IL15: variants seen among roughly 807,000 people sequenced by gnomAD.
The protein encoded by IL15 is interleukin 15, also known as interleukin-15.
Under a neutral mutation model 19.6 loss-of-function variants are expected in IL15, and 11 were observed. That is an observed-to-expected ratio of 0.56 (90% CI 0.35 to 0.93). The LOEUF (loss-of-function observed/expected upper bound fraction) is 0.93. IL15 is among the 40% of genes least tolerant of loss of function. The probability of loss-of-function intolerance (pLI) is 0.01; values close to 1 mark genes in which losing one functional copy is unlikely to be tolerated. For missense variants in IL15, 197 were observed against 186.5 expected (o/e 1.06, Z -0.33); for synonymous variants, 58 against 59.6 (o/e 0.97, Z 0.12).
chr4:141,670,587 A>C (rs1254522801), intron 2 of IL15, among the ~76,000 whole-genome samples: 1 of 152,176 alleles, frequency 6.6e-6, no homozygotes, highest in East Asian at 1.9e-4. Context: ...TTTTAAGTTT[A>C]ACCAACATGT....
chr4:141,660,017 A>G (rs1727737115), intron 2 of IL15, among the ~76,000 whole-genome samples: 1 of 152,122 alleles, frequency 6.6e-6, no homozygotes, highest in Non-Finnish European at 1.5e-5. Flanking sequence ...TTCAATTTGC[A>G]CAGTAAAACA....
intron 2 of IL15, among the ~76,000 whole-genome samples, chr4:141,683,654 AC>A (rs1728615675): frequency 6.6e-6 from 1 of 152,168 alleles, no homozygotes; most frequent in African/African-American, 2.4e-5. Context: ...CACTGTGCGA[AC>A]CTGGAACAAG....
chr4:141,730,975 A>G (rs893523678), intron 7 of IL15, among the ~76,000 whole-genome samples: 1 of 152,170 alleles, frequency 6.6e-6, no homozygotes, highest in African/African-American at 2.4e-5. Flanking sequence ...GTGAAAAAGG[A>G]CACAGGGTAG....
intron 3 of IL15, among the ~76,000 whole-genome samples, chr4:141,720,253 A>G (rs1045868669): frequency 1.3e-5 from 2 of 152,166 alleles, no homozygotes; most frequent in Non-Finnish European, 2.9e-5. Context: ...CTGCAGAAAT[A>G]TCTGTTAAGG....
rs183685127 is a variant in IL15, at chr4:141,666,409, G to T, written c.-100+10102G>T. Among the ~76,000 whole-genome samples, 280 of 152,266 alleles carry T rather than the reference G, an allele frequency of 1.8e-3. 1 individual carries two copies. The highest frequency in any genetic ancestry group is 6.4e-3 in the African/African-American group (266 of 41,566). ...CTCACTCTCTCAGCCAGCCTGGAGG[G>T]CGGTGGCACAATCTTGGCCCAGTGC... On this transcript the variant is annotated intron_variant, in intron 2 of 7. Coordinates refer to ENST00000320650, the MANE Select transcript of IL15 (RefSeq NM_000585.5).
At chr4:141,704,225 A>G (rs1729432971) in intron 2 of IL15, among the ~76,000 whole-genome samples, 1 of 152,122 alleles carries the variant, frequency 6.6e-6, no homozygotes, top group African/African-American at 2.4e-5. Flanking sequence ...CATTCCTTCT[A>G]TGTCTAATTT....
intron 1 of IL15, among the ~76,000 whole-genome samples, chr4:141,639,753 T>C (rs1479064548): frequency 6.6e-6 from 1 of 152,210 alleles, no homozygotes; most frequent in East Asian, 1.9e-4. Flanking sequence ...TTGATTTACT[T>C]ACCCGTTGAT....
chr4:141,710,128 C>T (rs1579042065), intron 2 of IL15, among the ~76,000 whole-genome samples: 1 of 152,168 alleles, frequency 6.6e-6, no homozygotes, highest in Non-Finnish European at 1.5e-5. Context: ...GTATATATAC[C>T]ACATTTTAAA....
chr4:141,688,831 G>C (rs950142723), intron 2 of IL15: 1 of 158,596 alleles, frequency 6.3e-6, no homozygotes, highest in Non-Finnish European at 1.4e-5. Flanking sequence ...GTTTCAACTA[G>C]TGGCCCCACT....
intron 2 of IL15, among the ~76,000 whole-genome samples, chr4:141,707,689 G>A (rs1055766520): frequency 2.0e-5 from 3 of 152,206 alleles, no homozygotes; most frequent in Non-Finnish European, 4.4e-5. Flanking sequence ...GATTGACTCA[G>A]TGGTCTACGC....
At chr4:141,656,509 T>C (rs1164818434) in intron 2 of IL15, among the ~76,000 whole-genome samples, 1 of 152,066 alleles carries the variant, frequency 6.6e-6, no homozygotes. Context: ...TTGCACATAA[T>C]TTTTTTTCTG....
At chr4:141,649,453 C>T (rs978251899) in intron 1 of IL15, among the ~76,000 whole-genome samples, 11 of 151,996 alleles carry the variant, frequency 7.2e-5, no homozygotes, top group African/African-American at 2.2e-4. Context: ...GGAGCTTGAA[C>T]TCAGGTTTCT....
chr4:141,661,854 C>T (rs1727801624), intron 2 of IL15, among the ~76,000 whole-genome samples: 1 of 152,036 alleles, frequency 6.6e-6, no homozygotes, highest in African/African-American at 2.4e-5. Flanking sequence ...TTCTGCTTTC[C>T]TGGAATCATA....
intron 2 of IL15, among the ~76,000 whole-genome samples, chr4:141,709,201 A>T (rs149626553): frequency 0.016 from 2,472 of 152,142 alleles, 30 homozygotes; most frequent in South Asian, 0.031. Context: ...ATGAATTCAG[A>T]TTTGTGTAAT....
intron 5 of IL15, among the ~76,000 whole-genome samples, chr4:141,727,598 T>A (rs558740252): frequency 7.1e-4 from 108 of 152,206 alleles, no homozygotes; most frequent in African/African-American, 1.6e-3. Flanking sequence ...GTGATGTGAA[T>A]CTATGCAAAT....
chr4:141,664,621 C>T (rs925216930), intron 2 of IL15, among the ~76,000 whole-genome samples: 1 of 152,036 alleles, frequency 6.6e-6, no homozygotes, highest in South Asian at 2.1e-4. Context: ...GATATTCAGC[C>T]CCACATAAGA....
rs1168262235 is a variant in IL15, at chr4:141,710,459, A to G, written c.-99-8907A>G. Reference sequence around the variant, plus strand: ...TTTTTGTAATTTTTAAGCATTTCGTATCATTTTATTTTTGTTTCATTTCTT... The same window carrying G: ...TTTTTGTAATTTTTAAGCATTTCGTGTCATTTTATTTTTGTTTCATTTCTT... On this transcript the variant is annotated intron_variant, in intron 2 of 7. Transcript: ENST00000320650. Among the ~76,000 whole-genome samples, 5 of 152,040 alleles carry G rather than the reference A, an allele frequency of 3.3e-5. No homozygotes were observed. The East Asian group carries it at 9.6e-4, about 29-fold the overall frequency.
In IL15 at chr4:141,665,134, G is replaced by T. The variant is rs529971214; in HGVS notation, c.-100+8827G>T. Among the ~76,000 whole-genome samples, 15 of 151,756 alleles carry T rather than the reference G, an allele frequency of 9.9e-5. No individual in the cohort carries two copies. In the East Asian group the frequency reaches 2.9e-3, roughly 29 times the overall value. On this transcript the variant is annotated intron_variant, in intron 2 of 7. Transcript: ENST00000320650. The stretch of plus-strand genomic sequence containing the variant: ...TTTTATTTCACCTTTTAAAAGTCTG[G>T]TTATCCTATCATTTTGTTTATTATA...
At chr4:141,644,016 G>C (rs1727138478) in intron 1 of IL15, among the ~76,000 whole-genome samples, 1 of 151,782 alleles carries the variant, frequency 6.6e-6, no homozygotes, top group African/African-American at 2.4e-5. Context: ...TCTTGGGTTT[G>C]TCCTTAACGT....
Sources: gnomAD v4.1 joint callset for allele counts (sites outside exome capture counted in the v4.1 genomes callset) on GRCh38, gnomAD v4.1.1 for gene constraint, MANE v1.5 for transcripts, NCBI Gene and HGNC (gene_info 2026-07-23, HGNC 2026-07-21) for gene names.